SDK1: variants seen among roughly 807,000 people sequenced by gnomAD.
SDK1 encodes the protein sidekick cell adhesion molecule 1.
SDK1 carries 157 observed loss-of-function variants against 245.5 expected under a neutral mutation model. That is an observed-to-expected ratio of 0.64 (90% confidence interval 0.56 to 0.73). SDK1 has a LOEUF of 0.73. Among genes scored for constraint, SDK1 ranks in the 30% least tolerant of loss-of-function variants. The pLI is 0.00. For synonymous variants in SDK1, 1,647 were observed against 1,278.5 expected (o/e 1.29, Z -6.15); for missense variants, 3,583 against 3,002.3 (o/e 1.19, Z -4.52).
At chr7:3,745,132 C>T (rs570273447) in intron 4 of SDK1, among the ~76,000 whole-genome samples, 8 of 152,284 alleles carry the variant, frequency 5.3e-5, no homozygotes, top group East Asian at 1.9e-4. Flanking sequence ...TTTTGAACCC[C>T]GTGCATGAAT....
Position 3,406,934 on chromosome 7 carries a change from A to G in SDK1, c.298+105050A>G, listed in dbSNP as rs570419889. Among the ~76,000 whole-genome samples the G allele has an allele frequency of 2.6e-5, 4 of 151,974 alleles. No individual in the cohort carries two copies. The East Asian group carries it at 7.7e-4, about 29-fold the overall frequency. The stretch of plus-strand genomic sequence containing the variant: ...TTTTTTACTCAAACAAGCAGAAAAT[A>G]TCCTTTTTTAGTTTTAAACTCTTTG... On this transcript the variant is annotated intron_variant, in intron 1 of 44. Transcript: ENST00000404826.
intron 1 of SDK1, among the ~76,000 whole-genome samples, chr7:3,575,044 A>G (rs969864460): frequency 1.3e-5 from 2 of 152,008 alleles, no homozygotes; most frequent in Non-Finnish European, 2.9e-5. Flanking sequence ...AGCCTAAAGA[A>G]TGCCTCCTTT....
intron 4 of SDK1, among the ~76,000 whole-genome samples, chr7:3,776,589 C>G (rs1203956465): frequency 6.6e-6 from 1 of 152,152 alleles, no homozygotes. Context: ...TATGTATAAA[C>G]CACTATGCAG....
chr7:3,648,972 G>A (rs980259648), intron 4 of SDK1, among the ~76,000 whole-genome samples: 1 of 152,204 alleles, frequency 6.6e-6, no homozygotes, highest in Admixed American at 6.5e-5. Flanking sequence ...GGAAGGGGGT[G>A]CCATGGCAGT....
chr7:3,684,179 G>C (rs970513069), intron 4 of SDK1, among the ~76,000 whole-genome samples: 1 of 152,200 alleles, frequency 6.6e-6, no homozygotes, highest in African/African-American at 2.4e-5. Context: ...GTCTAGCGTG[G>C]AGCTAAGCCT....
chr7:3,718,052 A>C (rs907749133), intron 4 of SDK1, among the ~76,000 whole-genome samples: 1 of 152,192 alleles, frequency 6.6e-6, no homozygotes, highest in East Asian at 1.9e-4. Flanking sequence ...AGCAAAGTAC[A>C]GGAAGAATTA....
At chr7:4,127,190 A>G (rs1284554195) in intron 25 of SDK1, among the ~76,000 whole-genome samples, 191 bp from the exon 26 acceptor site, 1 of 152,180 alleles carries the variant, frequency 6.6e-6, no homozygotes, top group African/African-American at 2.4e-5. Flanking sequence ...CCCAGGATTT[A>G]TGGAATTTGT....
intron 5 of SDK1, among the ~76,000 whole-genome samples, chr7:3,878,703 G>A (rs1444141670): frequency 2.6e-5 from 4 of 152,172 alleles, no homozygotes; most frequent in African/African-American, 9.7e-5. Context: ...GGTTCGAAGA[G>A]GAAGAGTCTC....
At chr7:3,723,975 G>GAGAA (rs1186065192) in intron 4 of SDK1, among the ~76,000 whole-genome samples, 25 of 144,966 alleles carry the variant, frequency 1.7e-4, no homozygotes, top group African/African-American at 6.4e-4. Context: ...GAGAGAGAGA[G>GAGAA]AGAAAGAGAG....
intron 5 of SDK1, among the ~76,000 whole-genome samples, chr7:3,826,203 C>T (rs989875769): frequency 6.6e-6 from 1 of 152,180 alleles, no homozygotes. Flanking sequence ...AAGCCTTGAG[C>T]ATTTACTCCT....
chr7:3,484,881 T>C (rs1025874913), intron 1 of SDK1, among the ~76,000 whole-genome samples: 3 of 152,234 alleles, frequency 2.0e-5, no homozygotes, highest in African/African-American at 7.2e-5. Context: ...GCATAACATA[T>C]TTTGTTTGTT....
At chr7:3,974,057 A>T (rs1197985123) in intron 12 of SDK1, among the ~76,000 whole-genome samples, 10 of 151,630 alleles carry the variant, frequency 6.6e-5, no homozygotes, top group Non-Finnish European at 1.3e-4. Flanking sequence ...GGTGGCATAC[A>T]TCTGTGGTCC....
intron 4 of SDK1, among the ~76,000 whole-genome samples, chr7:3,798,794 G>A (rs1283783505): frequency 6.6e-6 from 1 of 152,164 alleles, no homozygotes; most frequent in Non-Finnish European, 1.5e-5. Context: ...AAGGAGAAGT[G>A]TCAGTGACTT....
At chr7:3,877,836 A>G (rs1276355738) in intron 5 of SDK1, among the ~76,000 whole-genome samples, 1 of 152,252 alleles carries the variant, frequency 6.6e-6, no homozygotes, top group East Asian at 1.9e-4. Context: ...ATAGAATGCC[A>G]TGATATGGAT....
chr7:4,037,338 C>A (rs1299608596), intron 17 of SDK1, among the ~76,000 whole-genome samples: 2 of 151,852 alleles, frequency 1.3e-5, no homozygotes, highest in African/African-American at 4.9e-5. Context: ...AATTCTTGGG[C>A]TAGGCATGGT....
At chr7:3,732,597 G>T (rs565928794) in intron 4 of SDK1, among the ~76,000 whole-genome samples, 158 of 152,226 alleles carry the variant, frequency 1.0e-3, no homozygotes, top group Non-Finnish European at 1.9e-3. Context: ...ACATTGCATT[G>T]TCCTCGGGAA....
intron 38 of SDK1, among the ~76,000 whole-genome samples, chr7:4,218,058 C>T (rs7787203): frequency 0.28 from 41,992 of 152,120 alleles, 6,339 homozygotes; most frequent in African/African-American, 0.4. Flanking sequence ...AGTGCTCACA[C>T]ATGCCCCATT....
intron 4 of SDK1, among the ~76,000 whole-genome samples, chr7:3,811,575 T>C (rs1779384292): frequency 6.6e-6 from 1 of 152,220 alleles, no homozygotes; most frequent in Non-Finnish European, 1.5e-5. Flanking sequence ...CCCAGGCAGA[T>C]GTCCCTCTGT....
intron 5 of SDK1, among the ~76,000 whole-genome samples, chr7:3,840,365 T>C (rs1193452384): frequency 6.6e-6 from 1 of 152,198 alleles, no homozygotes; most frequent in African/African-American, 2.4e-5. Context: ...CTAACACTGT[T>C]TTTTCTAATG....
Sources: allele counts gnomAD v4.1 joint callset (sites outside exome capture counted in the v4.1 genomes callset), GRCh38; gene constraint gnomAD v4.1.1; transcripts MANE v1.5; gene names NCBI Gene and HGNC (gene_info 2026-07-23, HGNC 2026-07-21).